LINGO2: variants seen among roughly 807,000 people sequenced by gnomAD.
LINGO2 encodes the protein leucine rich repeat and Ig domain containing 2.
Under a neutral mutation model 30.6 loss-of-function variants are expected in LINGO2, and 14 were observed. That is an observed-to-expected ratio of 0.46 (90% CI 0.30 to 0.72). The LOEUF (loss-of-function observed/expected upper bound fraction) is 0.72, where lower values mean the gene tolerates loss of function less well. LINGO2 is among the 30% of genes least tolerant of loss of function. The pLI, the probability that LINGO2 is intolerant of heterozygous loss-of-function variation, is 0.07. For synonymous variants in LINGO2, 317 were observed against 288.5 expected (o/e 1.10, Z -1.00); for missense variants, 729 against 751.7 (o/e 0.97, Z 0.35).
chr9:28,291,321 A>T (rs755321876), intron 4 of LINGO2, among the ~76,000 whole-genome samples: 1 of 152,158 alleles, frequency 6.6e-6, no homozygotes, highest in Admixed American at 6.5e-5. Context: ...ACAGAAAAAG[A>T]GCTGGGCCAC....
chr9:28,241,660 C>T (rs1242747754), intron 4 of LINGO2, among the ~76,000 whole-genome samples: 1 of 152,140 alleles, frequency 6.6e-6, no homozygotes, highest in African/African-American at 2.4e-5. Context: ...CTTCCTATGC[C>T]ACTCAACTGA....
chr9:29,001,066 A>T, the LINGO2 span, among the ~76,000 whole-genome samples: 5 of 148,690 alleles, frequency 3.4e-5, no homozygotes, highest in Admixed American at 2.7e-4. Flanking sequence ...ATTGTTCAGT[A>T]AAGATTTTGA....
the LINGO2 span, among the ~76,000 whole-genome samples, chr9:28,744,609 C>CGT: frequency 1.7e-3 from 232 of 133,972 alleles, 1 homozygote; most frequent in African/African-American, 5.7e-3. Context: ...ATATTCCCCT[C>CGT]GTGTGTGTGT....
At chr9:28,692,822 G>A in the LINGO2 span, among the ~76,000 whole-genome samples, 2 of 152,196 alleles carry the variant, frequency 1.3e-5, no homozygotes, top group East Asian at 3.9e-4. Context: ...TGAATTCATA[G>A]AACAGTGGGT....
intron 4 of LINGO2, among the ~76,000 whole-genome samples, chr9:28,021,854 A>AT (rs1823142647): frequency 2.2e-5 from 3 of 135,808 alleles, no homozygotes; most frequent in Non-Finnish European, 4.7e-5. Flanking sequence ...TTTAAGCCGA[A>AT]TCTTGATCTT....
At chr9:28,180,289 C>A (rs1828875933) in intron 4 of LINGO2, among the ~76,000 whole-genome samples, 1 of 152,094 alleles carries the variant, frequency 6.6e-6, no homozygotes, top group South Asian at 2.1e-4. Flanking sequence ...TAAGGAAGGT[C>A]CCCAGTAAAC....
At chr9:28,669,167 G>A (rs764729183) in intron 1 of LINGO2, among the ~76,000 whole-genome samples, 6 of 151,956 alleles carry the variant, frequency 3.9e-5, no homozygotes, top group African/African-American at 1.2e-4. Flanking sequence ...TAATGTGTAC[G>A]TGTATTTGTG....
chr9:29,132,314 C>T, the LINGO2 span, among the ~76,000 whole-genome samples: 1 of 152,078 alleles, frequency 6.6e-6, no homozygotes, highest in African/African-American at 2.4e-5. Flanking sequence ...CTCCAACTTT[C>T]CACGCCCAAG....
the LINGO2 span, among the ~76,000 whole-genome samples, chr9:29,001,938 C>T: frequency 6.6e-6 from 1 of 151,968 alleles, no homozygotes; most frequent in East Asian, 1.9e-4. Context: ...CTGCTTCTCT[C>T]TTCATCACTG....
At chr9:28,180,276 C>A (rs182145436) in intron 4 of LINGO2, among the ~76,000 whole-genome samples, 2 of 152,148 alleles carry the variant, frequency 1.3e-5, no homozygotes, top group South Asian at 4.2e-4. Flanking sequence ...TATCTTCAAG[C>A]GATAAGGAAG....
the LINGO2 span, among the ~76,000 whole-genome samples, chr9:28,911,925 G>C: frequency 1.3e-5 from 2 of 151,980 alleles, no homozygotes; most frequent in Non-Finnish European, 2.9e-5. Context: ...TTACTCAGCA[G>C]CCAAACATCA....
the LINGO2 span, among the ~76,000 whole-genome samples, chr9:28,875,797 A>C: frequency 6.6e-6 from 1 of 152,086 alleles, no homozygotes; most frequent in Non-Finnish European, 1.5e-5. Flanking sequence ...AACTTTTAAG[A>C]TTCTCTTATT....
chr9:28,345,520 T>C (rs1384597644), intron 3 of LINGO2, among the ~76,000 whole-genome samples: 1 of 152,166 alleles, frequency 6.6e-6, no homozygotes, highest in African/African-American at 2.4e-5. Flanking sequence ...TAATTGCAAT[T>C]GAACTTGATC....
At chr9:28,385,165 T>C (rs1474168843) in intron 2 of LINGO2, among the ~76,000 whole-genome samples, 1 of 152,148 alleles carries the variant, frequency 6.6e-6, no homozygotes, top group Non-Finnish European at 1.5e-5. Flanking sequence ...GAATATGTTT[T>C]TATGGCCAAT....
chr9:28,881,351 T>C, the LINGO2 span, among the ~76,000 whole-genome samples: 19 of 152,192 alleles, frequency 1.2e-4, no homozygotes, highest in African/African-American at 4.6e-4. Context: ...CTCGAACCCC[T>C]GACCTCAAGT....
At chr9:29,045,583 T>A in the LINGO2 span, among the ~76,000 whole-genome samples, 42 of 144,214 alleles carry the variant, frequency 2.9e-4, no homozygotes, top group African/African-American at 9.0e-4. Context: ...CCTTCATGAT[T>A]AAAAAAAAAA....
At chr9:28,457,535 C>T (rs1824898652) in intron 2 of LINGO2, among the ~76,000 whole-genome samples, 1 of 151,918 alleles carries the variant, frequency 6.6e-6, no homozygotes, top group Admixed American at 6.6e-5. Context: ...CTGCCTCAGA[C>T]TCACTAGTGG....
the LINGO2 span, among the ~76,000 whole-genome samples, chr9:28,855,654 T>TAC: frequency 1.0e-3 from 155 of 151,588 alleles, no homozygotes; most frequent in African/African-American, 3.3e-3. Context: ...GCCCCAGACA[T>TAC]ACACACACAC....
At chr9:29,130,661 G>T in the LINGO2 span, among the ~76,000 whole-genome samples, 1 of 152,008 alleles carries the variant, frequency 6.6e-6, no homozygotes, top group African/African-American at 2.4e-5. Context: ...AGCTAACCTG[G>T]AACAATTTTA....
Sources: gnomAD v4.1 joint callset for allele counts (sites outside exome capture counted in the v4.1 genomes callset) on GRCh38, gnomAD v4.1.1 for gene constraint, MANE v1.5 for transcripts, NCBI Gene and HGNC (gene_info 2026-07-23, HGNC 2026-07-21) for gene names.